Variants in CTIF observed in about 807,000 individuals in gnomAD.
CTIF encodes the protein CBP80/20-dependent translation initiation factor.
In CTIF, 21 loss-of-function variants were observed where a neutral mutation model predicts 66.0. That is an observed-to-expected ratio of 0.32 (90% CI 0.23 to 0.46). The LOEUF (loss-of-function observed/expected upper bound fraction) is 0.46. CTIF is among the 20% of genes least tolerant of loss of function. The probability of loss-of-function intolerance (pLI) is 1.00; values close to 1 mark genes in which losing one functional copy is unlikely to be tolerated. For missense variants in CTIF, 739 were observed against 812.7 expected (o/e 0.91, Z 1.10); for synonymous variants, 345 against 326.4 (o/e 1.06, Z -0.62).
intron 7 of CTIF, among the ~76,000 whole-genome samples, chr18:48,738,685 A>G (rs1022105598): frequency 3.3e-5 from 5 of 152,120 alleles, no homozygotes; most frequent in Admixed American, 3.3e-4. Context: ...TGCCCCCACC[A>G]TACACCAGCA....
intron 7 of CTIF, among the ~76,000 whole-genome samples, chr18:48,757,051 C>T (rs1390859787): frequency 3.3e-5 from 5 of 152,044 alleles, no homozygotes; most frequent in Non-Finnish European, 7.4e-5. Context: ...AGGCCTGTCT[C>T]CTTGGTTTGC....
chr18:48,748,528 G>A (rs974063408), intron 7 of CTIF, among the ~76,000 whole-genome samples: 10 of 152,090 alleles, frequency 6.6e-5, no homozygotes, highest in Non-Finnish European at 1.0e-4. Context: ...GGCACCTCCC[G>A]AAGATCAGCG....
At chr18:48,541,473 C>T (rs1437631086) in intron 1 of CTIF, among the ~76,000 whole-genome samples, 1 of 152,258 alleles carries the variant, frequency 6.6e-6, no homozygotes, top group Non-Finnish European at 1.5e-5. Flanking sequence ...TTCCTCCTGC[C>T]CAGGGCCCGA....
At chr18:48,580,890 C>T (rs145390235) in intron 1 of CTIF, among the ~76,000 whole-genome samples, 2 of 152,172 alleles carry the variant, frequency 1.3e-5, no homozygotes, top group South Asian at 4.1e-4. Context: ...TCACCAGGGC[C>T]GGGGGCACGG....
At chr18:48,660,492 C>A (rs1288810351) in intron 3 of CTIF, among the ~76,000 whole-genome samples, 1 of 152,254 alleles carries the variant, frequency 6.6e-6, no homozygotes, top group Admixed American at 6.5e-5. Flanking sequence ...CTGGCTCTTT[C>A]CCTCCCATCA....
chr18:48,725,114 A>G (rs2092374753), intron 7 of CTIF, among the ~76,000 whole-genome samples: 1 of 152,208 alleles, frequency 6.6e-6, no homozygotes, highest in Non-Finnish European at 1.5e-5. Context: ...GCCACAGCAA[A>G]CACGTGTTCC....
At chr18:48,654,265 TAAAC>T (rs2091207144) in intron 3 of CTIF, among the ~76,000 whole-genome samples, 2 of 151,832 alleles carry the variant, frequency 1.3e-5, no homozygotes, top group Admixed American at 1.3e-4. Flanking sequence ...ACAAAGAACT[TAAAC>T]AAATTTACAA....
intron 1 of CTIF, among the ~76,000 whole-genome samples, chr18:48,568,649 A>G (rs1407330725): frequency 7.0e-6 from 1 of 142,318 alleles, no homozygotes; most frequent in Admixed American, 7.1e-5. Flanking sequence ...AAAAAAAAAA[A>G]AAAAAAAAAA....
chr18:48,559,837 G>C (rs961454281), intron 1 of CTIF, among the ~76,000 whole-genome samples: 1 of 152,084 alleles, frequency 6.6e-6, no homozygotes, highest in Non-Finnish European at 1.5e-5. Flanking sequence ...ATCAAAAAAC[G>C]ACCTGTTGGG....
chr18:48,733,688 G>T (rs1291981330), intron 7 of CTIF, among the ~76,000 whole-genome samples: 1 of 152,204 alleles, frequency 6.6e-6, no homozygotes, highest in Non-Finnish European at 1.5e-5. Flanking sequence ...AATTATCTGA[G>T]CCCACCTAGG....
At chr18:48,663,892 C>A in intron 4 of CTIF, 67 bp downstream of exon 4, 1 of 1,361,186 alleles carries the variant, frequency 7.3e-7, no homozygotes, top group Non-Finnish European at 1.1e-6. Flanking sequence ...TCCTTGGGGA[C>A]GGAATGAACG....
intron 1 of CTIF, among the ~76,000 whole-genome samples, chr18:48,617,880 G>T (rs1184148936): frequency 6.6e-6 from 1 of 152,138 alleles, no homozygotes; most frequent in East Asian, 1.9e-4. Context: ...GGGGCCCAGA[G>T]CGAGGCCCTG....
At chr18:48,730,674 T>C (rs1288581736) in intron 7 of CTIF, among the ~76,000 whole-genome samples, 6,223 of 106,318 alleles carry the variant, frequency 0.059, 1,489 homozygotes, top group East Asian at 0.27. Flanking sequence ...GTGAGGGGCT[T>C]CTGCGGTGTG....
intron 7 of CTIF, among the ~76,000 whole-genome samples, chr18:48,735,698 G>T (rs540185588): frequency 6.6e-6 from 1 of 152,348 alleles, no homozygotes; most frequent in South Asian, 2.1e-4. Flanking sequence ...TTTAGTTGGA[G>T]TCTTGAGGAT....
At chr18:48,589,269 G>C (rs776756602) in intron 1 of CTIF, among the ~76,000 whole-genome samples, 1 of 152,168 alleles carries the variant, frequency 6.6e-6, no homozygotes, top group South Asian at 2.1e-4. Flanking sequence ...AGGGCCGTCA[G>C]GGGGAGTCTG....
At chr18:48,758,499 G>T (rs770424049) in intron 8 of CTIF, 94 bp downstream of exon 8, 8 of 1,451,338 alleles carry the variant, frequency 5.5e-6, no homozygotes, top group Non-Finnish European at 7.4e-6. Context: ...GAGCCTTGTG[G>T]GTTTGAGGGT....
chr18:48,840,979 C>A (rs1190590070), intron 10 of CTIF, among the ~76,000 whole-genome samples: 1 of 148,718 alleles, frequency 6.7e-6, no homozygotes, highest in Admixed American at 7.0e-5. Context: ...CAAAAAAGAA[C>A]ATGGTTTAAG....
intron 1 of CTIF, among the ~76,000 whole-genome samples, chr18:48,598,792 G>A (rs557402323): frequency 6.6e-6 from 1 of 152,316 alleles, no homozygotes; most frequent in African/African-American, 2.4e-5. Flanking sequence ...TTCAGCATGG[G>A]CCAAAAGTAC....
At chr18:48,831,987 T>C (rs2068701782) in intron 10 of CTIF, among the ~76,000 whole-genome samples, 1 of 152,142 alleles carries the variant, frequency 6.6e-6, no homozygotes, top group African/African-American at 2.4e-5. Flanking sequence ...CTCAGGCTTT[T>C]GGAGCAGTTC....
Sources: allele counts gnomAD v4.1 joint callset (sites outside exome capture counted in the v4.1 genomes callset), GRCh38; gene constraint gnomAD v4.1.1; transcripts MANE v1.5; gene names NCBI Gene and HGNC (gene_info 2026-07-23, HGNC 2026-07-21).